Variants in INTS3 observed in about 807,000 individuals in gnomAD.
The protein encoded by INTS3 is integrator complex subunit 3.
In INTS3, 34 loss-of-function variants were observed where a neutral mutation model predicts 146.3. The ratio of observed to expected loss-of-function variants is 0.23; its 90% CI spans 0.18 to 0.31. INTS3 has a LOEUF of 0.31. Among genes scored for constraint, INTS3 ranks in the 10% least tolerant of loss-of-function variants. The pLI, the probability that INTS3 is intolerant of heterozygous loss-of-function variation, is 1.00. For missense variants in INTS3, 757 were observed against 1,304.2 expected, an observed-to-expected ratio of 0.58 and a Z score of 6.46; for synonymous variants, 475 against 494.9, an observed-to-expected ratio of 0.96 and a Z score of 0.53.
At position 153,763,216 on chromosome 1, in the gene INTS3, C is replaced by T. The variant is rs1180981237; in HGVS notation, c.1637-17C>T. The T allele has an allele frequency of 6.2e-7, 1 of 1,614,106 alleles. No homozygotes were observed. The highest frequency in any genetic ancestry group is 2.2e-5 in the East Asian group (1 of 44,874). On this transcript the variant is annotated splice_polypyrimidine_tract_variant and intron_variant, in intron 15 of 29. Coordinates refer to ENST00000318967, the MANE Select transcript of INTS3 (RefSeq NM_023015.5). ...CATCTGGGCAAACTGACTTCTTTCC[C>T]AAATCACTCCCTTTAGGAAAGAAGA...
In INTS3 at chr1:153,761,608, A is replaced by T. The variant is rs1235239190; in HGVS notation, c.1448A>T (p.Lys483Met). 6.2e-7 allele frequency: 1 copy of T among 1,614,206 alleles called. No homozygotes were observed. The highest frequency in any genetic ancestry group is 8.5e-7 in the Non-Finnish European group (1 of 1,180,002). ...CTGTTTGACAACCCTAAGTTGGATA[A>T]GGAGCTGCGGGCAATGCTGAGAGAG... is the stretch of plus-strand genomic sequence containing the variant. ...APLFDNPKLD[K>M]ELRAMLREKF... Residue 483 changes from lysine to methionine, a missense_variant, in exon 14 of 30, where the codon AAG (lysine) becomes ATG (methionine). Around this residue, in one of 8 missense-constraint regions of INTS3, gnomAD observed 97 missense variants for 113.6 expected, o/e 0.85. Transcript: ENST00000318967.
intron 10 of INTS3, among the ~76,000 whole-genome samples, chr1:153,759,255 C>G (rs866414685): frequency 2.6e-4 from 38 of 146,008 alleles, no homozygotes; most frequent in African/African-American, 9.8e-4. Context: ...GCCTGGGCAA[C>G]AGAGCAAGAC....
At position 153,739,888 on chromosome 1, in the gene INTS3, G is replaced by A. The variant is rs190613628; in HGVS notation, c.151-763G>A. On this transcript the variant is annotated intron_variant, in intron 1 of 29. Coordinates refer to ENST00000318967, the MANE Select transcript of INTS3 (RefSeq NM_023015.5). The stretch of plus-strand genomic sequence containing the variant: ...CTGCTCACTGCAACCTCTGCCTCCC[G>A]GGTTCAAGCAATTCTCCTGCCTCAG... Among the ~76,000 whole-genome samples the A allele has an allele frequency of 3.6e-4, 54 of 151,542 alleles. 1 individual carries two copies. In the East Asian group the frequency reaches 8.7e-3, roughly 25 times the overall value.
chr1:153,732,398 T>C (rs947490858), intron 1 of INTS3, among the ~76,000 whole-genome samples: 20 of 152,154 alleles, frequency 1.3e-4, no homozygotes, highest in Non-Finnish European at 2.4e-4. Context: ...TGTGGAATAC[T>C]TTGAACGCAG....
chr1:153,748,347 T>C (rs1001271521), intron 5 of INTS3: 5 of 324,600 alleles, frequency 1.5e-5, no homozygotes, highest in Admixed American at 1.2e-4. Flanking sequence ...CTTCTCAGGC[T>C]CTATCTGAGA....
Position 153,771,924 on chromosome 1 carries a change from T to C in INTS3, c.2681T>C (p.Leu894Pro). 2 of 1,613,992 alleles carry C rather than the reference T, an allele frequency of 1.2e-6. No individual in the cohort carries two copies. Among genetic ancestry groups the C allele is most frequent in the Non-Finnish European group, 1.7e-6 (2 of 1,179,970 alleles). Reference sequence around the variant, plus strand: ...CTGCTGGCCGAGCACATCAAGTCCCTGCTCATCAAGAACAACAGCCTGCCT... The same window carrying C: ...CTGCTGGCCGAGCACATCAAGTCCCCGCTCATCAAGAACAACAGCCTGCCT... ...DELLAEHIKS[L>P]LIKNNSLPRK... The change falls in exon 26 of 30, where the codon CTG becomes CCG. Residue 894 changes from leucine (L) to proline (P), a missense_variant. By Grantham distance (98) the Leu-to-Pro change is moderately conservative. Transcript: ENST00000318967.
chr1:153,770,770 T>G (rs1672818612), intron 25 of INTS3, 37 bp downstream of exon 25: 23 of 1,531,246 alleles, frequency 1.5e-5, no homozygotes, highest in Non-Finnish European at 2.0e-5. Flanking sequence ...GCCCTCAATT[T>G]TAACATCCCA....
In INTS3 at chr1:153,747,653, C is replaced by T. The variant is rs191444290; in HGVS notation, c.517+290C>T. The T allele has an allele frequency of 1.6e-4, 71 of 446,246 alleles. No individual in the cohort carries two copies. In the East Asian group the frequency reaches 2.6e-3, roughly 16 times the overall value. 27.6% of individuals were successfully genotyped at this position (446,246 alleles called of 1,614,324 possible). Reference sequence around the variant, plus strand: ...CAGTCTTCACTCTGAGATTTTATAGCATTTCAGAGCAGGAAGAAATGGGGA... The same window carrying T: ...CAGTCTTCACTCTGAGATTTTATAGTATTTCAGAGCAGGAAGAAATGGGGA... On this transcript the variant is annotated intron_variant, in intron 5 of 29. Coordinates refer to ENST00000318967, the MANE Select transcript of INTS3 (RefSeq NM_023015.5).
At position 153,773,368 on chromosome 1, in the gene INTS3, C is replaced by T. The variant is rs942417538; in HGVS notation, c.*98C>T. ...CTGAGGAGATTGCAGGGGAAACACC[C>T]TTGCTGCATCCCCAAGCTCCCCCGG... On this transcript the variant is annotated 3_prime_UTR_variant, in exon 30 of 30. Coordinates refer to ENST00000318967, the MANE Select transcript of INTS3 (RefSeq NM_023015.5). 8.7e-7 allele frequency: 1 copy of T among 1,149,218 alleles called. No individual in the cohort carries two copies. The highest frequency in any genetic ancestry group is 1.5e-5 in the African/African-American group (1 of 65,412). 71.2% of individuals were successfully genotyped at this position (1,149,218 alleles called of 1,614,324 possible).
chr1:153,769,914 A>C, intron 23 of INTS3, 70 bp downstream of exon 23: 1 of 1,130,062 alleles, frequency 8.8e-7, no homozygotes, highest in South Asian at 1.2e-5. Flanking sequence ...TGTATTTTAC[A>C]CTATCAGGAA....
chr1:153,770,797 A>C (rs1055453576), intron 25 of INTS3, 64 bp downstream of exon 25: 2 of 1,304,510 alleles, frequency 1.5e-6, no homozygotes, highest in African/African-American at 2.9e-5. Context: ...GCTGTGGTCT[A>C]AAGGGCTTCT....
intron 10 of INTS3, among the ~76,000 whole-genome samples, chr1:153,759,077 A>C (rs1672274218): frequency 6.6e-6 from 1 of 151,922 alleles, no homozygotes. Flanking sequence ...TGATCATGCC[A>C]CTGCGCTCCA....
Position 153,762,795 on chromosome 1 carries a change from T to C in INTS3, c.1584T>C (p.Tyr528=). The change falls in exon 15 of 30, where the codon TAT becomes TAC. Residue 528 remains tyrosine (Y), a synonymous_variant. Transcript: ENST00000318967. The stretch of plus-strand genomic sequence containing the variant: ...TGTCGGATAAGGATGAGAGTTGCTA[T>C]GACAATGCAGAGGCAGCCTTCAGTG... ...NHMSDKDESC[Y]DNAEAAFSDD... is the part of the protein sequence containing the mutation. The C allele has an allele frequency of 5.6e-6, 9 of 1,614,170 alleles. No homozygotes were observed. The highest frequency in any genetic ancestry group is 3.3e-4 in the Middle Eastern group (2 of 6,062).
intron 1 of INTS3, among the ~76,000 whole-genome samples, chr1:153,738,557 C>T (rs1671389769): frequency 6.6e-6 from 1 of 152,222 alleles, no homozygotes; most frequent in African/African-American, 2.4e-5. Context: ...ATAGTGTTAA[C>T]ATGTCTCATT....
chr1:153,768,580 A>T (rs12066156), intron 21 of INTS3, among the ~76,000 whole-genome samples: 1 of 152,194 alleles, frequency 6.6e-6, no homozygotes, highest in East Asian at 1.9e-4. Flanking sequence ...ATCAGCCACC[A>T]TGGCCAGTCC....
rs1456572975 is a variant in INTS3 at position 153,760,837 on chromosome 1, A to C, written c.1328A>C (p.Asn443Thr). 1 of 1,613,600 alleles carries C rather than the reference A, an allele frequency of 6.2e-7. No individual in the cohort carries two copies. Among genetic ancestry groups the C allele is most frequent in the Non-Finnish European group, 8.5e-7 (1 of 1,179,668 alleles). The change falls in exon 13 of 30, where the codon AAC becomes ACC. Residue 443 changes from asparagine to threonine, a missense_variant. This residue lies in a region of INTS3 where 97 missense variants were observed against 113.6 expected (regional missense o/e 0.85). Coordinates refer to ENST00000318967, the MANE Select transcript of INTS3 (RefSeq NM_023015.5). ...CTTCTTCGCTTCCAGATCATTCCCAACTTCTATCCACCATTGGAGGGCCAC... is the reference window on the plus strand; with the variant it reads ...CTTCTTCGCTTCCAGATCATTCCCACCTTCTATCCACCATTGGAGGGCCAC... Reference protein sequence around the residue: ...LLDFMCRIIPNFYPPLEGHVR... With the variant: ...LLDFMCRIIPTFYPPLEGHVR...
Position 153,772,878 on chromosome 1 carries a change from A to G in INTS3, c.2895-47A>G, listed in dbSNP as rs773434325. The G allele has an allele frequency of 6.2e-7, 1 of 1,607,852 alleles. No homozygotes were observed. The stretch of plus-strand genomic sequence containing the variant: ...CAGAGAAGAGGATGGGAGGTGCCGT[A>G]GGAGCAGCAGGCTCCCACTCAAAGA... On this transcript the variant is annotated intron_variant, in intron 28 of 29. Transcript: ENST00000318967. This position sits in a 1 kb window ranked among gnomAD's most constrained non-coding sequence, Gnocchi z 4.6.
intron 3 of INTS3, among the ~76,000 whole-genome samples, chr1:153,742,282 G>A (rs529698147): frequency 2.6e-5 from 4 of 152,326 alleles, no homozygotes; most frequent in South Asian, 4.1e-4. Flanking sequence ...ACCTTGTCGA[G>A]TTAAATTGCT....
rs1471111829 is a variant in INTS3, at chr1:153,728,777, T to C, written c.143T>C (p.Leu48Ser). Reference protein sequence around the residue: ...LSTSLDAKDELEERLERCMSI... With the variant: ...LSTSLDAKDESEERLERCMSI... The stretch of plus-strand genomic sequence containing the variant: ...ACCAGTTTGGATGCCAAGGATGAGT[T>C]AGAGGAGGTAGGTGTGGGGGGAGGG... The change falls in exon 1 of 30, where the codon TTA becomes TCA. Residue 48 changes from leucine to serine, a missense_variant. Coordinates refer to ENST00000318967, the MANE Select transcript of INTS3 (RefSeq NM_023015.5). 2 of 1,574,244 alleles carry C rather than the reference T, an allele frequency of 1.3e-6. No homozygotes were observed. The highest frequency in any genetic ancestry group is 2.8e-5 in the African/African-American group (2 of 71,754).
Sources: gnomAD v4.1 joint callset for allele counts (sites outside exome capture counted in the v4.1 genomes callset) on GRCh38, gnomAD v4.1.1 for gene constraint, gnomAD v4.1.1 regional missense constraint, Gnocchi (gnomAD v3.1) non-coding constraint, MANE v1.5 for transcripts, NCBI Gene and HGNC (gene_info 2026-07-23, HGNC 2026-07-21) for gene names.